FLT4: variants seen among roughly 807,000 people sequenced by gnomAD.
FLT4 encodes the protein fms related receptor tyrosine kinase 4.
In FLT4, 30 loss-of-function variants were observed where a neutral mutation model predicts 163.2. The observed-to-expected ratio is 0.18, with a 90% CI of 0.14 to 0.25. The LOEUF (loss-of-function observed/expected upper bound fraction) is 0.25. Among genes scored for constraint, FLT4 ranks in the 10% least tolerant of loss-of-function variants. FLT4 has a pLI of 1.00. For missense variants in FLT4, 1,510 were observed against 1,863.8 expected (o/e 0.81, Z 3.50); for synonymous variants, 884 against 789.5 (o/e 1.12, Z -2.01).
At chr5:180,648,732 C>T (rs978030602) in intron 1 of FLT4, among the ~76,000 whole-genome samples, 37 of 141,418 alleles carry the variant, frequency 2.6e-4, no homozygotes, top group African/African-American at 9.1e-4. Flanking sequence ...AGAGCCACAT[C>T]CCAACACAAA....
Position 180,630,735 on chromosome 5 carries a change from C to T in FLT4, c.220G>A (p.Asp74Asn), listed in dbSNP as rs1340899798. 6.2e-7 allele frequency: 1 copy of T among 1,611,146 alleles called. No homozygotes were observed. The highest frequency in any genetic ancestry group is 1.3e-5 in the African/African-American group (1 of 74,910). Residue 74 changes from aspartate to asparagine, a missense_variant, in exon 3 of 30, where the codon GAC (aspartate) becomes AAC (asparagine). Asp to Asn is a conservative substitution (Grantham distance 23). This residue lies in a region of FLT4 where 157 missense variants were observed against 178.7 expected (regional missense o/e 0.88). Transcript: ENST00000261937. This position sits in a 1 kb window ranked among gnomAD's most constrained non-coding sequence, Gnocchi z 6.3. ...AQEAPATGDK[D>N]SEDTGVVRDC... ...CGCACCACCCCCGTGTCCTCGCTGTCCTTGTCTCCGGTGGCTGGCGCCTCC... is the reference window on the plus strand; with the variant it reads ...CGCACCACCCCCGTGTCCTCGCTGTTCTTGTCTCCGGTGGCTGGCGCCTCC...
chr5:180,640,821 A>G (rs1031141413), intron 1 of FLT4, among the ~76,000 whole-genome samples: 2 of 152,106 alleles, frequency 1.3e-5, no homozygotes, highest in South Asian at 2.1e-4. Context: ...GCCCACCAGG[A>G]TGGGACTGAG....
intron 21 of FLT4, 44 bp downstream of exon 21, chr5:180,618,725 CG>C: frequency 1.3e-6 from 2 of 1,561,554 alleles, no homozygotes; most frequent in Non-Finnish European, 1.7e-6. Flanking sequence ...GGGATATAAC[CG>C]GGCCCGTCAG....
At position 180,601,841 on chromosome 5, in the gene FLT4, G is replaced by A. The variant is rs1007683402; in HGVS notation, c.*1351C>T. On this transcript the variant is annotated 3_prime_UTR_variant, in exon 30 of 30. Transcript: ENST00000261937. ...AACGCGCAGTGGGGGAGGTGGGGAG[G>A]GGAGGGTCGGCCGGGCAAGCCCCTG... The A allele has an allele frequency of 8.6e-6, 2 of 233,426 alleles. No individual in the cohort carries two copies. The highest frequency in any genetic ancestry group is 1.7e-5 in the Non-Finnish European group (2 of 118,136). The allele number at this position is 233,426 out of a possible 1,614,324, so 14.5% of individuals were successfully genotyped here.
Position 180,630,015 on chromosome 5 carries a change from G to C in FLT4, c.604C>G (p.Leu202Val). 6.2e-7 allele frequency: 1 copy of C among 1,612,862 alleles called. No individual in the cohort carries two copies. Among genetic ancestry groups the C allele is most frequent in the Non-Finnish European group, 8.5e-7 (1 of 1,180,016 alleles). The change falls in exon 5 of 30, where the codon CTG becomes GTG. Residue 202 changes from leucine to valine, a missense_variant. Leu to Val is a conservative substitution (Grantham distance 32). This residue lies in a region of FLT4 where 163 missense variants were observed against 281.1 expected (regional missense o/e 0.58). Transcript: ENST00000261937. This position sits in a 1 kb window ranked among gnomAD's most constrained non-coding sequence, Gnocchi z 6.3. Reference sequence around the variant, plus strand: ...CAGGTGGTCTCGCACTGCAGGTACAGGGCATCGTGCAGCAGTGGCGTGGAC... The same window carrying C: ...CAGGTGGTCTCGCACTGCAGGTACACGGCATCGTGCAGCAGTGGCGTGGAC... ...LVSTPLLHDA[L>V]YLQCETTWGD...
rs530463182 is a variant in FLT4, at chr5:180,640,059, G to T, written c.59-8281C>A. 2.8e-3 allele frequency among the ~76,000 whole-genome samples: 419 copies of T among 152,326 alleles called. 2 individuals are homozygous for T. Among genetic ancestry groups the T allele is most frequent in the South Asian group, 7.3e-3 (35 of 4,822 alleles). On this transcript the variant is annotated intron_variant, in intron 1 of 29. Coordinates refer to ENST00000261937, the MANE Select transcript of FLT4 (RefSeq NM_182925.5). ...AGGACACCCTCCGTCCTCGGGCCAC[G>T]GGGCCTTGGCGTCAGCCACAGGCGT...
At chr5:180,621,031 C>T (rs753216455) in intron 14 of FLT4, 24 bp from the exon 15 acceptor site, 1 of 1,611,056 alleles carries the variant, frequency 6.2e-7, no homozygotes, top group Non-Finnish European at 8.5e-7. Flanking sequence ...GGTGGAGGTG[C>T]GGGTCCACCT....
intron 23 of FLT4, among the ~76,000 whole-genome samples, chr5:180,614,865 C>T (rs1762513928): frequency 6.6e-6 from 1 of 152,046 alleles, no homozygotes; most frequent in Non-Finnish European, 1.5e-5. Flanking sequence ...TCCTGCTCCT[C>T]CCCCTCTGAC....
In FLT4 at chr5:180,630,461, C is replaced by T; in HGVS notation, c.400+94G>A. Reference sequence around the variant, plus strand: ...GCTGGAGCAGGTAGGGCCCCGTTCTCTCCTCCTGCCAGCCCAGGGTCCACA... The same window carrying T: ...GCTGGAGCAGGTAGGGCCCCGTTCTTTCCTCCTGCCAGCCCAGGGTCCACA... On this transcript the variant is annotated intron_variant, in intron 3 of 29. Transcript: ENST00000261937. This position sits in a 1 kb window ranked among gnomAD's most constrained non-coding sequence, Gnocchi z 6.3. 6.3e-7 allele frequency: 1 copy of T among 1,588,132 alleles called. No homozygotes were observed. The highest frequency in any genetic ancestry group is 1.3e-5 in the African/African-American group (1 of 74,586).
chr5:180,631,738 G>A lies in FLT4; in HGVS notation c.99C>T (p.Asn33=). ...CGATGACGTGTGACTCCTCCGTGAT[G>A]TTCAAGGTCGGGGGGGTCATGGAGT... is the stretch of plus-strand genomic sequence containing the variant. ...SGYSMTPPTL[N]ITEESHVIDT... The change falls in exon 2 of 30, where the codon AAC becomes AAT. Residue 33 remains asparagine, a synonymous_variant. Transcript: ENST00000261937. 6.2e-7 allele frequency: 1 copy of A among 1,610,866 alleles called. No individual in the cohort carries two copies. The highest frequency in any genetic ancestry group is 8.5e-7 in the Non-Finnish European group (1 of 1,179,934).
chr5:180,609,106 G>A, intron 28 of FLT4, 53 bp from the exon 29 acceptor site: 1 of 1,494,290 alleles, frequency 6.7e-7, no homozygotes, highest in Non-Finnish European at 9.3e-7. Context: ...CCCTCCTGCA[G>A]GGCAGCCACC....
In FLT4 at chr5:180,621,245, TTC is replaced by T; in HGVS notation, c.2026_2027del (p.Glu676SerfsTer95). The T allele has an allele frequency of 6.2e-7, 1 of 1,611,774 alleles. No homozygotes were observed. The highest frequency in any genetic ancestry group is 8.5e-7 in the Non-Finnish European group (1 of 1,179,204). On this transcript the variant is annotated frameshift_variant, in exon 14 of 30. Coordinates refer to ENST00000261937, the MANE Select transcript of FLT4 (RefSeq NM_182925.5). LOFTEE classifies it high-confidence loss of function. ...TCAAGTTCTGCGTGAGCCGAGGGGC[TTC>T]CAGGGCTGGGGGCAGGGGTCGAGAG... ...HKKYLSVQALEAPRLTQNLTD... is the reference protein window; with the variant it reads ...HKKYLSVQALXAPRLTQNLTD...
intron 1 of FLT4, among the ~76,000 whole-genome samples, chr5:180,632,288 G>T (rs1245392973): frequency 3.3e-5 from 5 of 152,000 alleles, no homozygotes; most frequent in African/African-American, 1.2e-4. Flanking sequence ...GCCCCCTCCT[G>T]CCTGCTCTCT....
chr5:180,641,936 C>T (rs557731593), intron 1 of FLT4, among the ~76,000 whole-genome samples: 4 of 152,268 alleles, frequency 2.6e-5, no homozygotes, highest in African/African-American at 7.2e-5. Context: ...CGGCTGGGCA[C>T]AGTGGCTCAC....
At chr5:180,649,882 T>A (rs1250349298), upstream of FLT4, among the ~76,000 whole-genome samples, 1 of 152,130 alleles carries the variant, frequency 6.6e-6, no homozygotes, top group Non-Finnish European at 1.5e-5. Context: ...CGGCACGCGC[T>A]CTTTTCCGTC....
At chr5:180,609,211 C>A in intron 28 of FLT4, 158 bp from the exon 29 acceptor site, 1 of 679,356 alleles carries the variant, frequency 1.5e-6, no homozygotes, top group Non-Finnish European at 2.7e-6. Context: ...CATTCCATCC[C>A]AGGGTGAGGG....
At position 180,638,410 on chromosome 5, in the gene FLT4, C is replaced by T. The variant is rs1474532067; in HGVS notation, c.59-6632G>A. Among the ~76,000 whole-genome samples the T allele has an allele frequency of 3.9e-5, 6 of 152,306 alleles. No homozygotes were observed. The South Asian group carries it at 8.3e-4, about 21-fold the overall frequency. Reference sequence around the variant, plus strand: ...GTCAGGCTGGATGCACCTTAGGGCCCGCCCCTGCTCTCTCACTGGGGCCAG... The same window carrying T: ...GTCAGGCTGGATGCACCTTAGGGCCTGCCCCTGCTCTCTCACTGGGGCCAG... On this transcript the variant is annotated intron_variant, in intron 1 of 29. Transcript: ENST00000261937.
intron 8 of FLT4, among the ~76,000 whole-genome samples, chr5:180,628,675 G>A (rs1403727148): frequency 1.5e-4 from 23 of 152,216 alleles, no homozygotes; most frequent in Non-Finnish European, 5.9e-5. Flanking sequence ...ACCTTTCACA[G>A]TGTGGCAGGA....
intron 24 of FLT4, 151 bp from the exon 25 acceptor site, chr5:180,613,261 G>A: frequency 1.7e-6 from 1 of 592,082 alleles, no homozygotes; most frequent in East Asian, 2.8e-5. Context: ...TCACCCGACT[G>A]TGCTCTACCT....
Sources: gnomAD v4.1 joint callset for allele counts (sites outside exome capture counted in the v4.1 genomes callset) on GRCh38, gnomAD v4.1.1 for gene constraint, gnomAD v4.1.1 regional missense constraint, Gnocchi (gnomAD v3.1) non-coding constraint, MANE v1.5 for transcripts, NCBI Gene and HGNC (gene_info 2026-07-23, HGNC 2026-07-21) for gene names.